The following TRIP13 variants were observed in gnomAD, a reference collection of about 807,000 sequenced individuals.
TRIP13 encodes pachytene checkpoint protein 2 homolog.
A neutral mutation model predicts 54.4 loss-of-function variants in TRIP13; 25 were observed. That is an observed-to-expected ratio of 0.46 (90% CI 0.33 to 0.64). TRIP13 has a LOEUF of 0.64. TRIP13 is among the 30% of genes least tolerant of loss of function. TRIP13 has a pLI of 0.02. For missense variants in TRIP13, 373 were observed against 534.2 expected (o/e 0.70, Z 2.97); for synonymous variants, 207 against 207.8 (o/e 1.00, Z 0.03).
chr5:900,524 T>G lies in TRIP13; in HGVS notation c.419T>G (p.Val140Gly). 1 of 1,611,992 alleles carries G rather than the reference T, an allele frequency of 6.2e-7. No homozygotes were observed. The highest frequency in any genetic ancestry group is 8.5e-7 in the Non-Finnish European group (1 of 1,179,606). Residue 140 changes from valine to glycine, a missense_variant, in exon 4 of 13, where the codon GTA becomes GGA. By Grantham distance (109) the Val-to-Gly change is moderately radical. Transcript: ENST00000166345. ...AEFHGLWDSLVYDVEVKSHLL... is the reference protein window; with the variant it reads ...AEFHGLWDSLGYDVEVKSHLL... Reference sequence around the variant, plus strand: ...TTCCATGGGCTTTGGGACAGCTTGGTATACGATGTGGAAGTCAAATCCCAT... The same window carrying G: ...TTCCATGGGCTTTGGGACAGCTTGGGATACGATGTGGAAGTCAAATCCCAT...
Position 906,579 on chromosome 5 carries a change from C to G in TRIP13, c.609-551C>G, listed in dbSNP as rs144482634. 1.9e-3 allele frequency among the ~76,000 whole-genome samples: 291 copies of G among 152,318 alleles called. 3 individuals carry two copies. The highest frequency in any genetic ancestry group is 6.8e-3 in the African/African-American group (281 of 41,562). ...GAAAAGAGGACCTGGAAGTCAGTTT[C>G]TCTCTGGCCTCAGTCTTGTTCTCTG... On this transcript the variant is annotated intron_variant, in intron 6 of 12. Coordinates refer to ENST00000166345, the MANE Select transcript of TRIP13 (RefSeq NM_004237.4).
rs918507812 is a variant in TRIP13, at chr5:915,802, T to C, written c.1134-102T>C. 5 of 1,274,826 alleles carry C rather than the reference T, an allele frequency of 3.9e-6. No homozygotes were observed. Among genetic ancestry groups the C allele is most frequent in the Non-Finnish European group, 4.6e-6 (4 of 877,922 alleles). The allele number at this position is 1,274,826 out of a possible 1,614,324, so 79.0% of individuals were successfully genotyped here. A position where few individuals can be genotyped will look rare whatever the true frequency, so the allele number is the denominator to read the frequency against. ...GAACCCAGGGTGTGCTTGGGACGCCTCGGCTTGTGTTCCCAGGGATGCCTC... is the reference window on the plus strand; with the variant it reads ...GAACCCAGGGTGTGCTTGGGACGCCCCGGCTTGTGTTCCCAGGGATGCCTC... On this transcript the variant is annotated intron_variant, in intron 11 of 12. Transcript: ENST00000166345. The surrounding 1 kb of genome is among the most constrained non-coding windows in gnomAD (Gnocchi z 4.2).
Position 909,005 on chromosome 5 carries a change from G to A in TRIP13, c.866+544G>A, listed in dbSNP as rs537969364. The A allele has an allele frequency of 1.6e-4, 25 of 160,834 alleles. No homozygotes were observed. The South Asian group carries it at 3.2e-3, about 20-fold the overall frequency. 10.0% of individuals were successfully genotyped at this position (160,834 alleles called of 1,614,324 possible). A position where few individuals can be genotyped will look rare whatever the true frequency, so the allele number is the denominator to read the frequency against. On this transcript the variant is annotated intron_variant, in intron 9 of 12. Coordinates refer to ENST00000166345, the MANE Select transcript of TRIP13 (RefSeq NM_004237.4). ...AACTCAGGCATGGTAAGCATTTTAC[G>A]TAGCACAGAAAAGCATAAAATGAAG...
At chr5:902,337 A>G (rs528090370) in intron 5 of TRIP13, among the ~76,000 whole-genome samples, 67 of 152,334 alleles carry the variant, frequency 4.4e-4, no homozygotes, top group African/African-American at 1.6e-3. Context: ...TGCGTGACAA[A>G]GTGACCTTAA....
chr5:896,200 C>T (rs1753909580), intron 2 of TRIP13, among the ~76,000 whole-genome samples: 2 of 152,160 alleles, frequency 1.3e-5, no homozygotes, highest in South Asian at 4.1e-4. Flanking sequence ...GTAGTGTCAG[C>T]TACTCAGAAG....
rs1056101361 is a variant in TRIP13, at chr5:911,347, G to A, written c.867-496G>A. ...AGCACTTTGGGAGGCCGAGGCAGGC[G>A]GATCACGAGGTCAGGAGATCGAGAC... On this transcript the variant is annotated intron_variant, in intron 9 of 12. Transcript: ENST00000166345. The surrounding 1 kb of genome is among the most constrained non-coding windows in gnomAD (Gnocchi z 4.7). 4.6e-5 allele frequency among the ~76,000 whole-genome samples: 7 copies of A among 152,096 alleles called. No individual in the cohort carries two copies. The highest frequency in any genetic ancestry group is 7.2e-5 in the African/African-American group (3 of 41,404).
rs184593241 is a variant in TRIP13 at position 903,345 on chromosome 5, C to T, written c.536-803C>T. Among the ~76,000 whole-genome samples the T allele has an allele frequency of 2.1e-3, 312 of 152,190 alleles. 3 individuals are homozygous for T. The highest frequency in any genetic ancestry group is 2.3e-3 in the Admixed American group (35 of 15,288). On this transcript the variant is annotated intron_variant, in intron 5 of 12. Transcript: ENST00000166345. ...CTTCTAGTCACTTCTCACTATGTCC[C>T]CTCAGCTCCTATCTCTGTATGGCCT...
At chr5:918,600 CAG>C (rs1754378146), downstream of TRIP13, among the ~76,000 whole-genome samples, 1 of 152,028 alleles carries the variant, frequency 6.6e-6, no homozygotes, top group Non-Finnish European at 1.5e-5. This position sits in a 1 kb window ranked among gnomAD's most constrained non-coding sequence, Gnocchi z 4.3. Flanking sequence ...TCTAGAGGGA[CAG>C]AACTAATGGA....
Position 896,787 on chromosome 5 carries a change from A to G in TRIP13, c.381A>G (p.Leu127=). ...TAATTGCAGCAAATCACTGGGTTCT[A>G]CCTGCAGGTATGGGGTGTGATGGGA... ...ENIIAANHWV[L]PAAEFHGLWD... is the part of the protein sequence containing the mutation. Residue 127 remains leucine (L), a synonymous_variant, in exon 3 of 13, where the codon CTA becomes CTG. Transcript: ENST00000166345. The G allele has an allele frequency of 6.2e-7, 1 of 1,612,304 alleles. No individual in the cohort carries two copies. The highest frequency in any genetic ancestry group is 8.5e-7 in the Non-Finnish European group (1 of 1,179,054).
At chr5:895,930 T>C (rs771872264) in intron 2 of TRIP13, among the ~76,000 whole-genome samples, 1 of 152,246 alleles carries the variant, frequency 6.6e-6, no homozygotes, top group Non-Finnish European at 1.5e-5. Context: ...ATCTACACTA[T>C]GTACAATATA....
In TRIP13 at chr5:893,106, C is replaced by G. The variant is rs184436527; in HGVS notation, c.92+16C>G. 1.2e-3 allele frequency: 1,876 copies of G among 1,575,386 alleles called. 16 individuals are homozygous for G. The African/African-American group carries it at 0.023, about 19-fold the overall frequency. The stretch of plus-strand genomic sequence containing the variant: ...GCGGCAGCAGGTGAGCCGGACCTGT[C>G]CGACACATCCTCTGGGCACCCACCC... On this transcript the variant is annotated intron_variant, in intron 1 of 12. Transcript: ENST00000166345.
chr5:906,417 G>A (rs894258281), intron 6 of TRIP13, among the ~76,000 whole-genome samples: 2 of 152,108 alleles, frequency 1.3e-5, no homozygotes, highest in South Asian at 4.2e-4. Flanking sequence ...TCTATATTTT[G>A]TTAGATTGTC....
chr5:902,083 TGTA>T (rs1175240680), intron 5 of TRIP13, among the ~76,000 whole-genome samples: 2 of 152,234 alleles, frequency 1.3e-5, no homozygotes, highest in African/African-American at 2.4e-5. Context: ...AAATTAGGCT[TGTA>T]GTACTCAGAG....
Position 907,103 on chromosome 5 carries a change from T to A in TRIP13, c.609-27T>A, listed in dbSNP as rs1478410017. The A allele has an allele frequency of 1.2e-6, 2 of 1,608,344 alleles. No individual in the cohort carries two copies. Among genetic ancestry groups the A allele is most frequent in the Non-Finnish European group, 1.7e-6 (2 of 1,175,078 alleles). On this transcript the variant is annotated intron_variant, in intron 6 of 12. Coordinates refer to ENST00000166345, the MANE Select transcript of TRIP13 (RefSeq NM_004237.4). The surrounding 1 kb of genome is among the most constrained non-coding windows in gnomAD (Gnocchi z 4.1). ...AGGATCCACAGGACCAGTTAGTAATTCTCTCAACTCCTTTTTTCTATCTCA... is the reference window on the plus strand; with the variant it reads ...AGGATCCACAGGACCAGTTAGTAATACTCTCAACTCCTTTTTTCTATCTCA...
At chr5:896,488 A>G (rs1753917928) in intron 2 of TRIP13, among the ~76,000 whole-genome samples, 177 bp from the exon 3 acceptor site, 1 of 152,228 alleles carries the variant, frequency 6.6e-6, no homozygotes, top group Admixed American at 6.5e-5. Context: ...ATTAGCTTTC[A>G]AAAGAGCCAA....
In TRIP13 at chr5:911,242, G is replaced by A. The variant is rs933319799; in HGVS notation, c.867-601G>A. ...GGTGGTGGTGGGCACCAGAGCCCAC[G>A]GTAGGTGGCACAATCAGGAACGCCA... On this transcript the variant is annotated intron_variant, in intron 9 of 12. Transcript: ENST00000166345. This position sits in a 1 kb window ranked among gnomAD's most constrained non-coding sequence, Gnocchi z 4.7. Among the ~76,000 whole-genome samples, 6 of 152,326 alleles carry A rather than the reference G, an allele frequency of 3.9e-5. No individual in the cohort carries two copies. The highest frequency in any genetic ancestry group is 2.1e-4 in the South Asian group (1 of 4,828).
At chr5:900,220 C>T (rs111481185) in intron 3 of TRIP13, among the ~76,000 whole-genome samples, 205 of 152,216 alleles carry the variant, frequency 1.3e-3, no homozygotes, top group African/African-American at 4.5e-3. Flanking sequence ...GACAATTGTG[C>T]GTGATAATGA....
chr5:900,221 G>A lies in TRIP13; in HGVS notation c.389-273G>A, dbSNP rs531395967. Reference sequence around the variant, plus strand: ...AAGTTTTTTTAAAAGACAATTGTGCGTGATAATGAGACGTAAAGTGTAATT... The same window carrying A: ...AAGTTTTTTTAAAAGACAATTGTGCATGATAATGAGACGTAAAGTGTAATT... On this transcript the variant is annotated intron_variant, in intron 3 of 12. Coordinates refer to ENST00000166345, the MANE Select transcript of TRIP13 (RefSeq NM_004237.4). 5.3e-5 allele frequency among the ~76,000 whole-genome samples: 8 copies of A among 152,332 alleles called. 1 individual carries two copies. The highest frequency in any genetic ancestry group is 3.9e-4 in the East Asian group (2 of 5,190).
At chr5:904,321 T>A (rs926858263) in intron 6 of TRIP13, 101 bp downstream of exon 6, 2 of 921,900 alleles carry the variant, frequency 2.2e-6, no homozygotes, top group Non-Finnish European at 3.3e-6. Flanking sequence ...AATAATAGAT[T>A]CCTCTCCACT....
Sources: allele counts gnomAD v4.1 joint callset (sites outside exome capture counted in the v4.1 genomes callset), GRCh38; gene constraint gnomAD v4.1.1; non-coding constraint Gnocchi (gnomAD v3.1); transcripts MANE v1.5; gene names NCBI Gene and HGNC (gene_info 2026-07-23, HGNC 2026-07-21).